The following SCHIP1 variants were observed in gnomAD, a reference collection of about 807,000 sequenced individuals.
The protein encoded by SCHIP1 is schwannomin interacting protein 1, also known as schwannomin-interacting protein 1.
SCHIP1 carries 8 observed loss-of-function variants against 29.7 expected under a neutral mutation model. That is an observed-to-expected ratio of 0.27 (90% CI 0.16 to 0.49). The LOEUF (loss-of-function observed/expected upper bound fraction) is 0.49. Among genes scored for constraint, SCHIP1 ranks in the 20% least tolerant of loss-of-function variants. The pLI, the probability that SCHIP1 is intolerant of heterozygous loss-of-function variation, is 0.99. For synonymous variants in SCHIP1, 76 were observed against 94.9 expected, an observed-to-expected ratio of 0.80 and a Z score of 1.16; for missense variants, 193 against 294.6, an observed-to-expected ratio of 0.66 and a Z score of 2.52.
At chr3:159,331,316 C>G in the SCHIP1 span, among the ~76,000 whole-genome samples, 156 of 152,276 alleles carry the variant, frequency 1.0e-3, 2 homozygotes, top group South Asian at 0.024. Flanking sequence ...CTGTCATTGC[C>G]TGAAGACTGC....
chr3:159,319,727 T>C, the SCHIP1 span, among the ~76,000 whole-genome samples: 3 of 152,382 alleles, frequency 2.0e-5, no homozygotes, highest in East Asian at 3.9e-4. Flanking sequence ...TTGCTCTTTT[T>C]TTTGAAAACA....
At chr3:159,539,896 T>C in the SCHIP1 span, among the ~76,000 whole-genome samples, 1 of 83,434 alleles carries the variant, frequency 1.2e-5, no homozygotes, top group Admixed American at 1.2e-4. Context: ...AAGAGATGAT[T>C]CCTCTTTAGG....
At chr3:159,516,440 G>C in the SCHIP1 span, among the ~76,000 whole-genome samples, 1 of 152,088 alleles carries the variant, frequency 6.6e-6, no homozygotes, top group African/African-American at 2.4e-5. Flanking sequence ...CATACAGCCT[G>C]TCAGACTCGT....
chr3:159,651,610 C>T, the SCHIP1 span, among the ~76,000 whole-genome samples: 1 of 152,142 alleles, frequency 6.6e-6, no homozygotes, highest in East Asian at 1.9e-4. Context: ...TGGTAATTTC[C>T]ATTAGCACCT....
the SCHIP1 span, chr3:159,764,915 G>A: frequency 2.7e-5 from 41 of 1,524,388 alleles, no homozygotes; most frequent in Non-Finnish European, 1.5e-5. The surrounding 1 kb of genome is among the most constrained non-coding windows in gnomAD (Gnocchi z 6.1). Flanking sequence ...CGGGGCCCCC[G>A]CCGGGCGATC....
intron 1 of SCHIP1, among the ~76,000 whole-genome samples, chr3:159,859,260 G>C (rs932711713): frequency 2.0e-5 from 3 of 152,176 alleles, no homozygotes; most frequent in Admixed American, 2.0e-4. Flanking sequence ...GTTTGTCTCA[G>C]TGAGAAAATA....
chr3:159,749,700 G>T, the SCHIP1 span, among the ~76,000 whole-genome samples: 2 of 152,192 alleles, frequency 1.3e-5, no homozygotes, highest in Non-Finnish European at 2.9e-5. Context: ...TCCGCAGCTT[G>T]CACATAGCCT....
At chr3:159,357,233 A>G in the SCHIP1 span, among the ~76,000 whole-genome samples, 1 of 152,222 alleles carries the variant, frequency 6.6e-6, no homozygotes, top group South Asian at 2.1e-4. Flanking sequence ...AATAAACCTA[A>G]GAGAATCTAA....
the SCHIP1 span, among the ~76,000 whole-genome samples, chr3:159,590,435 G>A: frequency 2.6e-4 from 39 of 152,198 alleles, no homozygotes; most frequent in African/African-American, 8.7e-4. Flanking sequence ...AATTAGCCGG[G>A]CACAGTGGCG....
intron 2 of SCHIP1, among the ~76,000 whole-genome samples, chr3:159,882,258 A>G (rs1716516805): frequency 6.6e-6 from 1 of 152,236 alleles, no homozygotes; most frequent in African/African-American, 2.4e-5. Context: ...GTGATTATAC[A>G]GCCCCGGGAG....
the SCHIP1 span, among the ~76,000 whole-genome samples, chr3:159,792,487 A>G: frequency 2.0e-5 from 3 of 152,216 alleles, no homozygotes; most frequent in Non-Finnish European, 4.4e-5. Flanking sequence ...ACATGTTGTT[A>G]TTATTTTGAT....
the SCHIP1 span, among the ~76,000 whole-genome samples, chr3:159,281,333 C>A: frequency 2.0e-5 from 3 of 152,000 alleles, no homozygotes; most frequent in Non-Finnish European, 4.4e-5. Context: ...ATAATTACAC[C>A]GAAATATTCT....
chr3:159,811,231 C>T, the SCHIP1 span, among the ~76,000 whole-genome samples: 47 of 152,234 alleles, frequency 3.1e-4, no homozygotes, highest in Admixed American at 2.8e-3. Context: ...ATATTTTCTC[C>T]CAGACTGTGG....
At chr3:159,604,435 A>G in the SCHIP1 span, among the ~76,000 whole-genome samples, 2 of 152,176 alleles carry the variant, frequency 1.3e-5, no homozygotes, top group Non-Finnish European at 2.9e-5. Context: ...AAGTGGGCAA[A>G]GCATGATACG....
the SCHIP1 span, among the ~76,000 whole-genome samples, chr3:159,569,945 C>T: frequency 1.3e-5 from 2 of 152,202 alleles, no homozygotes; most frequent in Non-Finnish European, 2.9e-5. Flanking sequence ...TTTCATGTGT[C>T]TGTTGGCAGC....
At chr3:159,607,275 A>C in the SCHIP1 span, among the ~76,000 whole-genome samples, 1 of 152,232 alleles carries the variant, frequency 6.6e-6, no homozygotes. Flanking sequence ...ATAATTGTTT[A>C]CACACCTTAT....
chr3:159,870,530 T>C (rs888786033), intron 2 of SCHIP1, among the ~76,000 whole-genome samples: 5 of 151,986 alleles, frequency 3.3e-5, no homozygotes, highest in African/African-American at 1.2e-4. Flanking sequence ...ATGAATTACA[T>C]TTATAGATTT....
chr3:159,610,177 G>T, the SCHIP1 span, among the ~76,000 whole-genome samples: 2 of 152,200 alleles, frequency 1.3e-5, no homozygotes, highest in Non-Finnish European at 2.9e-5. Flanking sequence ...AAGTTTGTCT[G>T]TCTCTAAAGC....
At chr3:159,805,423 A>T in the SCHIP1 span, among the ~76,000 whole-genome samples, 1 of 152,206 alleles carries the variant, frequency 6.6e-6, no homozygotes, top group Non-Finnish European at 1.5e-5. Context: ...ACACTCACAC[A>T]CACAAGGAGG....
Sources: gnomAD v4.1 joint callset for allele counts (sites outside exome capture counted in the v4.1 genomes callset) on GRCh38, gnomAD v4.1.1 for gene constraint, Gnocchi (gnomAD v3.1) non-coding constraint, MANE v1.5 for transcripts, NCBI Gene and HGNC (gene_info 2026-07-23, HGNC 2026-07-21) for gene names.